Variants in DSG1 observed in about 807,000 individuals in gnomAD.
DSG1 encodes desmoglein 1, also known as desmoglein-1.
In DSG1, 39 loss-of-function variants were observed where a neutral mutation model predicts 97.5. That is an observed-to-expected ratio of 0.40 (90% CI 0.31 to 0.52). The LOEUF is 0.52. DSG1 is among the 20% of genes least tolerant of loss of function. The probability of loss-of-function intolerance (pLI) is 0.53; values close to 1 mark genes in which losing one functional copy is unlikely to be tolerated. For synonymous variants in DSG1, 475 were observed against 443.4 expected (o/e 1.07, Z -0.90); for missense variants, 1,311 against 1,295.4 (o/e 1.01, Z -0.18).
At position 31,319,782 on chromosome 18, in the gene DSG1, A is replaced by G. The variant is rs530706780; in HGVS notation, c.48+1434A>G. On this transcript the variant is annotated intron_variant, in intron 1 of 14. Transcript: ENST00000257192. Reference sequence around the variant, plus strand: ...TTGTTGATTTATTTATTTCAAATTAATTATAGCATATCAAATTTCTTTAAA... The same window carrying G: ...TTGTTGATTTATTTATTTCAAATTAGTTATAGCATATCAAATTTCTTTAAA... Among the ~76,000 whole-genome samples the G allele has an allele frequency of 1.6e-3, 249 of 152,278 alleles. 1 individual carries two copies. Among genetic ancestry groups the G allele is most frequent in the Middle Eastern group, 3.4e-3 (1 of 294 alleles).
At chr18:31,347,195 A>G (rs750434783) in intron 14 of DSG1, among the ~76,000 whole-genome samples, 56 of 152,244 alleles carry the variant, frequency 3.7e-4, no homozygotes, top group Admixed American at 7.9e-4. Context: ...AAAGCATTCA[A>G]ATAGCAATAG....
intron 1 of DSG1, among the ~76,000 whole-genome samples, chr18:31,319,548 G>A (rs1331223755): frequency 6.6e-6 from 1 of 152,094 alleles, no homozygotes; most frequent in Non-Finnish European, 1.5e-5. Flanking sequence ...AGGATCAGTT[G>A]ATTTCATTAC....
rs2071949797 is a variant in DSG1, at chr18:31,355,563, A to C, written c.*217A>C. The C allele has an allele frequency of 1.7e-6, 1 of 575,316 alleles. No homozygotes were observed. Among genetic ancestry groups the C allele is most frequent in the Admixed American group, 3.0e-5 (1 of 33,468 alleles). The allele number at this position is 575,316 out of a possible 1,614,324, so 35.6% of individuals were successfully genotyped here. A position where few individuals can be genotyped will look rare whatever the true frequency, so the allele number is the denominator to read the frequency against. On this transcript the variant is annotated 3_prime_UTR_variant, in exon 15 of 15. Coordinates refer to ENST00000257192, the MANE Select transcript of DSG1 (RefSeq NM_001942.4). ...TTTTCTCTTATATTAGGACTAAGGAACTAAAACTTGAGGCAGAGTCTTCTT... is the reference window on the plus strand; with the variant it reads ...TTTTCTCTTATATTAGGACTAAGGACCTAAAACTTGAGGCAGAGTCTTCTT...
rs757841646 is a variant in DSG1, at chr18:31,326,965, G to A, written c.176G>A (p.Arg59His). Residue 59 changes from arginine to histidine, a missense_variant, in exon 3 of 15, where the codon CGT (arginine) becomes CAT (histidine). Physicochemically the swap from Arg to His is conservative, Grantham distance 29. Transcript: ENST00000257192. Reference protein sequence around the residue: ...REWIKFAAACREGEDNSKRNP... With the variant: ...REWIKFAAACHEGEDNSKRNP... The stretch of plus-strand genomic sequence containing the variant: ...TGGATCAAGTTCGCAGCAGCCTGTC[G>A]TGAAGGTGAAGACAACTCAAAGAGG... 27 of 1,613,822 alleles carry A rather than the reference G, an allele frequency of 1.7e-5. No individual in the cohort carries two copies. Among genetic ancestry groups the A allele is most frequent in the South Asian group, 2.2e-5 (2 of 91,080 alleles).
Position 31,318,179 on chromosome 18 carries a change from C to A in DSG1, c.-122C>A. On this transcript the variant is annotated 5_prime_UTR_variant, in exon 1 of 15. Transcript: ENST00000257192. ...GAAGGCAGAAACACCTCAAAGCCTG[C>A]ATGTAAGAACATCTACTGAGAAATT... is the stretch of plus-strand genomic sequence containing the variant. The A allele has an allele frequency of 1.1e-6, 1 of 878,342 alleles. No homozygotes were observed. Among genetic ancestry groups the A allele is most frequent in the Non-Finnish European group, 1.9e-6 (1 of 516,452 alleles). The allele number at this position is 878,342 out of a possible 1,614,324, so 54.4% of individuals were successfully genotyped here.
At chr18:31,351,959 G>A (rs2071900891) in intron 14 of DSG1, among the ~76,000 whole-genome samples, 2 of 151,182 alleles carry the variant, frequency 1.3e-5, no homozygotes, top group South Asian at 2.1e-4. Context: ...GGAGCATTTA[G>A]TCCATTTACA....
Position 31,355,016 on chromosome 18 carries a change from C to A in DSG1, c.2820C>A (p.His940Gln). ...GCATGATAGGTAGTCTGAGTATGCA[C>A]CCCGAGTTAGCCAATGCCCACAATG... ...TSGMIGSLSM[H>Q]PELANAHNVI... Residue 940 changes from histidine (H) to glutamine (Q), a missense_variant, in exon 15 of 15, where the codon CAC becomes CAA. By Grantham distance (24) the His-to-Gln change is conservative. Transcript: ENST00000257192. 6.2e-7 allele frequency: 1 copy of A among 1,614,194 alleles called. No individual in the cohort carries two copies. Among genetic ancestry groups the A allele is most frequent in the Non-Finnish European group, 8.5e-7 (1 of 1,180,026 alleles).
chr18:31,354,088 A>G, intron 14 of DSG1: 1 of 556,770 alleles, frequency 1.8e-6, no homozygotes, highest in Non-Finnish European at 3.2e-6. Context: ...TTAAAATCAT[A>G]GTATTAGAAT....
Position 31,354,234 on chromosome 18 carries a change from G to A in DSG1, c.2101-63G>A, listed in dbSNP as rs1448077271. The A allele has an allele frequency of 4.2e-6, 6 of 1,415,352 alleles. No individual in the cohort carries two copies. The African/African-American group carries it at 4.2e-5, about 10-fold the overall frequency. The allele number at this position is 1,415,352 out of a possible 1,614,324, so 87.7% of individuals were successfully genotyped here. On this transcript the variant is annotated intron_variant, in intron 14 of 14. Transcript: ENST00000257192. ...TCTGGAAGAAAAACTAATGATAAAG[G>A]CTGTTCTATTATTGTTAAATATGCA...
In DSG1 at chr18:31,346,056, G is replaced by C; in HGVS notation, c.1958G>C (p.Gly653Ala). ...CTGGGAGGAGGAGAGAGAATGACAG[G>C]ATTTGAACTAACAGAGGGAGTTAAA... ...QDLGGGERMT[G>A]FELTEGVKTS... The change falls in exon 14 of 15, where the codon GGA (glycine) becomes GCA (alanine). Residue 653 changes from glycine to alanine, a missense_variant. Gly to Ala is a moderately conservative substitution (Grantham distance 60, BLOSUM62 0). This residue lies in a region of DSG1 where 1,038 missense variants were observed against 964.6 expected (regional missense o/e 1.08). Transcript: ENST00000257192. 6.2e-7 allele frequency: 1 copy of C among 1,613,886 alleles called. No individual in the cohort carries two copies. The highest frequency in any genetic ancestry group is 8.5e-7 in the Non-Finnish European group (1 of 1,179,868).
chr18:31,355,291 CT>C lies in DSG1; in HGVS notation c.3096del (p.Ser1033AlafsTer43), dbSNP rs781715489. The C allele has an allele frequency of 7.4e-6, 12 of 1,614,130 alleles. No homozygotes were observed. The African/African-American group carries it at 1.1e-4, about 14-fold the overall frequency. ...AACCAAACCATTGGGTCCGCCTCCCCTAGCACAGCTCGAAGTCGAATCACAA... is the reference window on the plus strand; with the variant it reads ...AACCAAACCATTGGGTCCGCCTCCCCAGCACAGCTCGAAGTCGAATCACAA... ...HFNQTIGSASPSTARSRITKY... is the reference protein window; with the variant it reads ...HFNQTIGSASXSTARSRITKY... On this transcript the variant is annotated frameshift_variant, in exon 15 of 15. Transcript: ENST00000257192. LOFTEE classifies it high-confidence loss of function.
intron 1 of DSG1, among the ~76,000 whole-genome samples, chr18:31,320,916 A>G (rs575236418): frequency 7.6e-4 from 116 of 152,306 alleles, no homozygotes; most frequent in Non-Finnish European, 1.4e-3. Context: ...GCCAGGTCCA[A>G]TTAGTCCATT....
intron 5 of DSG1, among the ~76,000 whole-genome samples, chr18:31,330,250 G>T (rs1027612486): frequency 3.9e-5 from 6 of 152,054 alleles, no homozygotes; most frequent in African/African-American, 1.4e-4. Flanking sequence ...CACATAACTC[G>T]CAGGCCAGCC....
Position 31,340,945 on chromosome 18 carries a change from T to C in DSG1, c.1687+920T>C, listed in dbSNP as rs181433633. Among the ~76,000 whole-genome samples the C allele has an allele frequency of 3.3e-5, 5 of 152,334 alleles. No individual in the cohort carries two copies. The East Asian group carries it at 9.6e-4, about 29-fold the overall frequency. On this transcript the variant is annotated intron_variant, in intron 11 of 14. Coordinates refer to ENST00000257192, the MANE Select transcript of DSG1 (RefSeq NM_001942.4). ...CACCTAACCTTTCTGAGCCTTGCTT[T>C]TGCCATGTATGAAATAATACTTACC...
At chr18:31,350,724 C>A (rs1452482026) in intron 14 of DSG1, among the ~76,000 whole-genome samples, 6 of 150,726 alleles carry the variant, frequency 4.0e-5, no homozygotes, top group African/African-American at 1.5e-4. Context: ...AGAATTTATC[C>A]ATTTCTTCTA....
intron 14 of DSG1, among the ~76,000 whole-genome samples, chr18:31,348,232 T>C (rs1349013612): frequency 2.7e-5 from 4 of 149,284 alleles, no homozygotes; most frequent in Non-Finnish European, 5.9e-5. Flanking sequence ...GGTTTTTTGT[T>C]CTTGTGATAG....
Position 31,346,179 on chromosome 18 carries a change from T to C in DSG1, c.2081T>C (p.Met694Thr). The change falls in exon 14 of 15, where the codon ATG becomes ACG. Residue 694 changes from methionine to threonine, a missense_variant. Around this residue, in one of 3 missense-constraint regions of DSG1, gnomAD observed 1,038 missense variants for 964.6 expected, o/e 1.08. Coordinates refer to ENST00000257192, the MANE Select transcript of DSG1 (RefSeq NM_001942.4). ...GAAGGAGGTCTGAATATGAATTTCA[T>C]GGAAAGCTACTTCTGTCAGGTAAGG... ...CREGGLNMNF[M>T]ESYFCQKAYA... The C allele has an allele frequency of 2.5e-6, 4 of 1,613,824 alleles. No individual in the cohort carries two copies. The highest frequency in any genetic ancestry group is 3.4e-6 in the Non-Finnish European group (4 of 1,179,750).
At chr18:31,327,574 G>T (rs1314082268) in intron 3 of DSG1, among the ~76,000 whole-genome samples, 1 of 151,934 alleles carries the variant, frequency 6.6e-6, no homozygotes, top group East Asian at 1.9e-4. Flanking sequence ...CTCCCCACTA[G>T]GATTTGTTTA....
In DSG1 at chr18:31,333,827, A is replaced by C. The variant is rs538026832; in HGVS notation, c.819+104A>C. 9.3e-6 allele frequency: 13 copies of C among 1,400,258 alleles called. No individual in the cohort carries two copies. The East Asian group carries it at 3.0e-4, about 32-fold the overall frequency. The allele number at this position is 1,400,258 out of a possible 1,614,324, so 86.7% of individuals were successfully genotyped here. ...GCACATGTTATGTTTATTGACATAC[A>C]ACCCAAATGTAGACACATACTTTTT... On this transcript the variant is annotated intron_variant, in intron 7 of 14. Transcript: ENST00000257192.
Sources: allele counts gnomAD v4.1 joint callset (sites outside exome capture counted in the v4.1 genomes callset), GRCh38; gene constraint gnomAD v4.1.1; regional missense constraint gnomAD v4.1.1; transcripts MANE v1.5; gene names NCBI Gene and HGNC (gene_info 2026-07-23, HGNC 2026-07-21).